GPR183: variants seen among roughly 807,000 people sequenced by gnomAD.
The protein encoded by GPR183 is G protein-coupled receptor 183.
Under a neutral mutation model 19.7 loss-of-function variants are expected in GPR183, and 9 were observed. The observed-to-expected ratio is 0.46, with a 90% CI of 0.28 to 0.80. The LOEUF is 0.80. Among genes scored for constraint, GPR183 ranks in the 30% least tolerant of loss-of-function variants. The pLI, the probability that GPR183 is intolerant of heterozygous loss-of-function variation, is 0.13. For synonymous variants in GPR183, 160 were observed against 155.1 expected, an observed-to-expected ratio of 1.03 and a Z score of -0.24; for missense variants, 368 against 446.7, an observed-to-expected ratio of 0.82 and a Z score of 1.59.
chr13:99,296,577 A>T (rs947889092), intron 1 of GPR183, among the ~76,000 whole-genome samples: 1 of 152,198 alleles, frequency 6.6e-6, no homozygotes, highest in Non-Finnish European at 1.5e-5. Flanking sequence ...TTGCTTTTAA[A>T]TTTAATTTCA....
intron 1 of GPR183, among the ~76,000 whole-genome samples, chr13:99,298,192 A>T (rs1232433303): frequency 6.6e-6 from 1 of 152,178 alleles, no homozygotes; most frequent in East Asian, 1.9e-4. Context: ...ACTCAACATG[A>T]TTTAAAAGCT....
chr13:99,300,903 A>G lies in GPR183; in HGVS notation c.-18-4740T>C, dbSNP rs2138730764. Among the ~76,000 whole-genome samples, 2 of 152,356 alleles carry G rather than the reference A, an allele frequency of 1.3e-5. 1 individual carries two copies. Among genetic ancestry groups the G allele is most frequent in the Admixed American group, 1.3e-4 (2 of 15,298 alleles). On this transcript the variant is annotated intron_variant, in intron 1 of 1. Coordinates refer to ENST00000376414, the MANE Select transcript of GPR183 (RefSeq NM_004951.5). The stretch of plus-strand genomic sequence containing the variant: ...AGTTATCTTTTAATTATTTTCAGGT[A>G]GAAAATTTATTCTTAAGTATATTTT...
Position 99,295,067 on chromosome 13 carries a change from C to A in GPR183, c.1079G>T (p.Gly360Val). The A allele has an allele frequency of 6.2e-7, 1 of 1,612,706 alleles. No individual in the cohort carries two copies. Residue 360 changes from glycine to valine, a missense_variant, in exon 2 of 2, where the codon GGA (glycine) becomes GTA (valine). Coordinates refer to ENST00000376414, the MANE Select transcript of GPR183 (RefSeq NM_004951.5). This position sits in a 1 kb window ranked among gnomAD's most constrained non-coding sequence, Gnocchi z 4.1. ...ACCAAAATACAATCCATTTCACTTTCCATTTGAAGACTTGGAATGTATCAT... is the reference window on the plus strand; with the variant it reads ...ACCAAAATACAATCCATTTCACTTTACATTTGAAGACTTGGAATGTATCAT... ...QMMIHSKSSN[G>V]K
At chr13:99,298,331 A>G (rs189586406) in intron 1 of GPR183, among the ~76,000 whole-genome samples, 3 of 152,316 alleles carry the variant, frequency 2.0e-5, no homozygotes, top group South Asian at 2.1e-4. Flanking sequence ...GTGCAGCTAA[A>G]TTATAAACCA....
At chr13:99,306,254 A>T (rs1310084265) in intron 1 of GPR183, among the ~76,000 whole-genome samples, 1 of 152,184 alleles carries the variant, frequency 6.6e-6, no homozygotes, top group Non-Finnish European at 1.5e-5. Flanking sequence ...ACCCTCTGGT[A>T]CGTCAGTGGC....
At chr13:99,300,497 T>C (rs1302339008) in intron 1 of GPR183, among the ~76,000 whole-genome samples, 1 of 152,238 alleles carries the variant, frequency 6.6e-6, no homozygotes, top group Non-Finnish European at 1.5e-5. Flanking sequence ...TGCGTGACTG[T>C]TACTATCCCA....
chr13:99,306,504 A>G (rs1231725208), intron 1 of GPR183, among the ~76,000 whole-genome samples: 1 of 152,006 alleles, frequency 6.6e-6, no homozygotes, highest in Non-Finnish European at 1.5e-5. Context: ...AAAAAACAAA[A>G]TACCACGCCC....
chr13:99,306,307 CTTA>C (rs2044334111), intron 1 of GPR183, among the ~76,000 whole-genome samples: 1 of 152,098 alleles, frequency 6.6e-6, no homozygotes, highest in Non-Finnish European at 1.5e-5. Context: ...TTTTTTAGCA[CTTA>C]TAATGAGAGG....
At chr13:99,304,367 G>A (rs2044300255) in intron 1 of GPR183, among the ~76,000 whole-genome samples, 1 of 152,144 alleles carries the variant, frequency 6.6e-6, no homozygotes, top group South Asian at 2.1e-4. Flanking sequence ...CTGAAAGGCA[G>A]TGTGGGTGTA....
intron 1 of GPR183, among the ~76,000 whole-genome samples, chr13:99,297,847 G>C (rs529220551): frequency 2.6e-5 from 4 of 151,746 alleles, no homozygotes; most frequent in South Asian, 4.2e-4. Flanking sequence ...GCTTAGAAGA[G>C]ATACAGCTCA....
chr13:99,305,531 T>C (rs1299649368), intron 1 of GPR183, among the ~76,000 whole-genome samples: 1 of 152,220 alleles, frequency 6.6e-6, no homozygotes, highest in Non-Finnish European at 1.5e-5. Flanking sequence ...TTTTATCCTA[T>C]AGAATGCTAC....
intron 1 of GPR183, among the ~76,000 whole-genome samples, chr13:99,307,101 AT>A (rs2044347588): frequency 6.6e-6 from 1 of 152,092 alleles, no homozygotes; most frequent in Non-Finnish European, 1.5e-5. Flanking sequence ...AGTGAGCCCT[AT>A]TTTTTGACAA....
At position 99,295,683 on chromosome 13, in the gene GPR183, C is replaced by G; in HGVS notation, c.463G>C (p.Val155Leu). Reference protein sequence around the residue: ...IEHAKGVCIFVWILVFAQTLP... With the variant: ...IEHAKGVCIFLWILVFAQTLP... ...GTCTGAGCAAATACTAGAATCCAGA[C>G]AAATATGCACACGCCTTTTGCATGT... The change falls in exon 2 of 2, where the codon GTC (valine) becomes CTC (leucine). Residue 155 changes from valine (V) to leucine (L), a missense_variant. By Grantham distance (32) the Val-to-Leu change is conservative. Transcript: ENST00000376414. This position sits in a 1 kb window ranked among gnomAD's most constrained non-coding sequence, Gnocchi z 4.1. 1 of 1,614,128 alleles carries G rather than the reference C, an allele frequency of 6.2e-7. No individual in the cohort carries two copies. Among genetic ancestry groups the G allele is most frequent in the Non-Finnish European group, 8.5e-7 (1 of 1,180,032 alleles).
Position 99,300,081 on chromosome 13 carries a change from A to G in GPR183, c.-18-3918T>C, listed in dbSNP as rs74529235. Among the ~76,000 whole-genome samples, 6 of 152,324 alleles carry G rather than the reference A, an allele frequency of 3.9e-5. No homozygotes were observed. The East Asian group carries it at 7.7e-4, about 20-fold the overall frequency. ...AACTATATCATGGCACATGCGCAAC[A>G]TTGCCCAGCTGCTCCAGAGCAAAGG... On this transcript the variant is annotated intron_variant, in intron 1 of 1. Transcript: ENST00000376414.
In GPR183 at chr13:99,295,056, C is replaced by G; in HGVS notation, c.*4G>C. ...CGTCACTATAAACCAAAATACAATC[C>G]ATTTCACTTTCCATTTGAAGACTTG... On this transcript the variant is annotated 3_prime_UTR_variant, in exon 2 of 2. Transcript: ENST00000376414. The surrounding 1 kb of genome is among the most constrained non-coding windows in gnomAD (Gnocchi z 4.1). 1 of 1,611,472 alleles carries G rather than the reference C, an allele frequency of 6.2e-7. No homozygotes were observed. The highest frequency in any genetic ancestry group is 8.5e-7 in the Non-Finnish European group (1 of 1,178,686).
chr13:99,297,194 A>G (rs1418375269), intron 1 of GPR183, among the ~76,000 whole-genome samples: 1 of 152,200 alleles, frequency 6.6e-6, no homozygotes, highest in Non-Finnish European at 1.5e-5. Context: ...GAAAACTCCT[A>G]CAATAAAGTT....
intron 1 of GPR183, among the ~76,000 whole-genome samples, chr13:99,306,389 T>G (rs968387785): frequency 2.0e-5 from 3 of 151,982 alleles, no homozygotes; most frequent in African/African-American, 7.3e-5. Context: ...AGCCAGATAT[T>G]AGGTAACTTG....
chr13:99,295,848 C>T lies in GPR183; in HGVS notation c.298G>A (p.Gly100Arg), dbSNP rs1468254873. The T allele has an allele frequency of 4.4e-6, 7 of 1,605,260 alleles. No homozygotes were observed. The highest frequency in any genetic ancestry group is 6.0e-6 in the Non-Finnish European group (7 of 1,174,390). The change falls in exon 2 of 2, where the codon GGA becomes AGA. Residue 100 changes from glycine to arginine, a missense_variant. Gly to Arg is a moderately radical substitution (Grantham distance 125, BLOSUM62 -2). Transcript: ENST00000376414. This position sits in a 1 kb window ranked among gnomAD's most constrained non-coding sequence, Gnocchi z 4.1. ...GCAGTTATCCTACACAAGGCATCTC[C>T]GATTCTCCAGTCAAAGCCCATTGCA... ...YYAMGFDWRI[G>R]DALCRITALV...
At chr13:99,300,841 G>A in intron 1 of GPR183, among the ~76,000 whole-genome samples, 1 of 152,154 alleles carries the variant, frequency 6.6e-6, no homozygotes, top group South Asian at 2.1e-4. Flanking sequence ...CTCACTTTGT[G>A]CATTACAGTG....
Sources: gnomAD v4.1 joint callset for allele counts (sites outside exome capture counted in the v4.1 genomes callset) on GRCh38, gnomAD v4.1.1 for gene constraint, Gnocchi (gnomAD v3.1) non-coding constraint, MANE v1.5 for transcripts, NCBI Gene and HGNC (gene_info 2026-07-23, HGNC 2026-07-21) for gene names.